TNFRSF21: variants seen among roughly 807,000 people sequenced by gnomAD.
TNFRSF21 encodes the protein tumor necrosis factor receptor superfamily member 21.
A neutral mutation model predicts 45.6 loss-of-function variants in TNFRSF21; 19 were observed. The observed-to-expected ratio is 0.42, with a 90% CI of 0.29 to 0.61. The LOEUF (loss-of-function observed/expected upper bound fraction) is 0.61. Ranked by LOEUF, TNFRSF21 falls within the 20% of genes least tolerant of loss-of-function variation. The pLI is 0.23. For missense variants in TNFRSF21, 737 were observed against 851.5 expected, an observed-to-expected ratio of 0.87 and a Z score of 1.67; for synonymous variants, 314 against 335.5, an observed-to-expected ratio of 0.94 and a Z score of 0.70.
rs535992511 is a variant in TNFRSF21, at chr6:47,281,119, C to T, written c.1243+2819G>A. 4.6e-5 allele frequency among the ~76,000 whole-genome samples: 7 copies of T among 152,016 alleles called. No individual in the cohort carries two copies. In the East Asian group the frequency reaches 7.7e-4, roughly 17 times the overall value. On this transcript the variant is annotated intron_variant, in intron 3 of 5. Transcript: ENST00000296861. ...TTATTGGGTCAACATACAATATTGG[C>T]AAATGAAAGGCAAAGGATTGTAACC...
At chr6:47,270,707 C>G (rs1048680050) in intron 3 of TNFRSF21, among the ~76,000 whole-genome samples, 1 of 152,126 alleles carries the variant, frequency 6.6e-6, no homozygotes, top group Non-Finnish European at 1.5e-5. Context: ...TCAGTAATAA[C>G]AAACTTCTCC....
chr6:47,236,740 C>T (rs1764669581), intron 4 of TNFRSF21, among the ~76,000 whole-genome samples: 1 of 152,190 alleles, frequency 6.6e-6, no homozygotes, highest in African/African-American at 2.4e-5. Context: ...CATGCCCCTC[C>T]TCCTTGAAAA....
At chr6:47,256,326 C>G (rs2113851285) in intron 3 of TNFRSF21, among the ~76,000 whole-genome samples, 1 of 152,288 alleles carries the variant, frequency 6.6e-6, no homozygotes, top group Admixed American at 6.5e-5. Context: ...GAGTTTGAGA[C>G]CAGCCTGGGC....
At chr6:47,263,246 T>C (rs1442654739) in intron 3 of TNFRSF21, among the ~76,000 whole-genome samples, 1 of 152,106 alleles carries the variant, frequency 6.6e-6, no homozygotes, top group Non-Finnish European at 1.5e-5. Context: ...GGGCAATTGA[T>C]GTGGAGGTAT....
chr6:47,264,642 G>C (rs1199343799), intron 3 of TNFRSF21, among the ~76,000 whole-genome samples: 1 of 152,194 alleles, frequency 6.6e-6, no homozygotes, highest in Non-Finnish European at 1.5e-5. Flanking sequence ...TGGCCACCTT[G>C]TGCATGAGAT....
chr6:47,307,575 T>C (rs952731632), intron 1 of TNFRSF21, among the ~76,000 whole-genome samples: 2 of 152,094 alleles, frequency 1.3e-5, no homozygotes, highest in Non-Finnish European at 2.9e-5. Context: ...GGTCTCACTA[T>C]GTTGCCCAGG....
intron 5 of TNFRSF21, 88 bp from the exon 6 acceptor site, chr6:47,233,082 A>AGG: frequency 8.4e-7 from 1 of 1,185,198 alleles, no homozygotes; most frequent in Middle Eastern, 2.6e-4. Context: ...CTAGAGAGAG[A>AGG]GACATCTATG....
Position 47,232,522 on chromosome 6 carries a change from C to G in TNFRSF21, c.*243G>C, listed in dbSNP as rs376360220. 6.0e-5 allele frequency: 28 copies of G among 467,152 alleles called. No homozygotes were observed. Among genetic ancestry groups the G allele is most frequent in the African/African-American group, 5.2e-4 (26 of 50,020 alleles). 28.9% of individuals were successfully genotyped at this position (467,152 alleles called of 1,614,324 possible). ...TGGTGGGTATTTCACAACAGTTACA[C>G]CTGGCAAAGGCTTATAAACCAACTT... On this transcript the variant is annotated 3_prime_UTR_variant, in exon 6 of 6. Transcript: ENST00000296861.
chr6:47,307,138 C>T lies in TNFRSF21; in HGVS notation c.96+2278G>A, dbSNP rs114343338. 5.2e-3 allele frequency among the ~76,000 whole-genome samples: 795 copies of T among 152,286 alleles called. 5 individuals are homozygous for T. Among genetic ancestry groups the T allele is most frequent in the Non-Finnish European group, 8.3e-3 (567 of 68,024 alleles). On this transcript the variant is annotated intron_variant, in intron 1 of 5. Coordinates refer to ENST00000296861, the MANE Select transcript of TNFRSF21 (RefSeq NM_014452.5). ...ACATAGTCTCTACTGATTCCTGGCA[C>T]ACCCTCCAGTCACCCTTCAGGATGA...
chr6:47,240,164 A>G (rs550898275), intron 4 of TNFRSF21, among the ~76,000 whole-genome samples: 92 of 152,304 alleles, frequency 6.0e-4, no homozygotes, highest in African/African-American at 2.1e-3. Flanking sequence ...ATAACTAGAT[A>G]TGCCTGATAG....
In TNFRSF21 at chr6:47,232,790, T is replaced by C; in HGVS notation, c.1943A>G (p.Tyr648Cys). The C allele has an allele frequency of 6.2e-7, 1 of 1,614,178 alleles. No individual in the cohort carries two copies. Among genetic ancestry groups the C allele is most frequent in the Non-Finnish European group, 8.5e-7 (1 of 1,180,034 alleles). Residue 648 changes from tyrosine (Y) to cysteine (C), a missense_variant, in exon 6 of 6, where the codon TAT becomes TGT. Physicochemically the swap from Tyr to Cys is radical, Grantham distance 194 (BLOSUM62 -2). Coordinates refer to ENST00000296861, the MANE Select transcript of TNFRSF21 (RefSeq NM_014452.5). ...EASQTLLDSVYSHLPDLL is the reference protein window; with the variant it reads ...EASQTLLDSVCSHLPDLL Reference sequence around the variant, plus strand: ...CTACAGCAGGTCAGGAAGATGGCTATAAACAGAGTCCAGGAGGGTCTGGCT... The same window carrying C: ...CTACAGCAGGTCAGGAAGATGGCTACAAACAGAGTCCAGGAGGGTCTGGCT...
At chr6:47,302,143 A>C (rs539189519) in intron 1 of TNFRSF21, among the ~76,000 whole-genome samples, 31 of 152,350 alleles carry the variant, frequency 2.0e-4, no homozygotes, top group Admixed American at 7.2e-4. Context: ...ACAACCTACG[A>C]AGCGATGTTT....
intron 3 of TNFRSF21, among the ~76,000 whole-genome samples, chr6:47,262,876 T>A (rs530547397): frequency 3.0e-4 from 46 of 152,278 alleles, no homozygotes; most frequent in Non-Finnish European, 4.7e-4. Context: ...GCTGCTACTA[T>A]GCATTCAATA....
Position 47,295,473 on chromosome 6 carries a change from TA to T in TNFRSF21, c.97-8879del, listed in dbSNP as rs529547020. Among the ~76,000 whole-genome samples, 243 of 152,336 alleles carry T rather than the reference TA, an allele frequency of 1.6e-3. 1 individual carries two copies. The highest frequency in any genetic ancestry group is 5.0e-3 in the African/African-American group (207 of 41,572). On this transcript the variant is annotated intron_variant, in intron 1 of 5. Transcript: ENST00000296861. Reference sequence around the variant, plus strand: ...AGAATTTTTCAATGCTGCATAAAACTAATATTTTGAAGAGGAAGCCCGTTAC... The same window carrying T: ...AGAATTTTTCAATGCTGCATAAAACTATATTTTGAAGAGGAAGCCCGTTAC...
chr6:47,271,760 C>T (rs888464383), intron 3 of TNFRSF21, among the ~76,000 whole-genome samples: 2 of 152,154 alleles, frequency 1.3e-5, no homozygotes, highest in Middle Eastern at 3.4e-3. Flanking sequence ...GTGCTGTATT[C>T]AGGAGACCCA....
chr6:47,269,240 AACACAC>A (rs149743493), intron 3 of TNFRSF21, among the ~76,000 whole-genome samples: 2 of 149,430 alleles, frequency 1.3e-5, no homozygotes, highest in South Asian at 2.1e-4. Context: ...CACACACACA[AACACAC>A]ACACACACAC....
At chr6:47,284,569 T>C (rs565467916) in intron 2 of TNFRSF21, 137 bp from the exon 3 acceptor site, 7 of 1,057,022 alleles carry the variant, frequency 6.6e-6, no homozygotes, top group South Asian at 6.7e-5. Flanking sequence ...GAATAAATTG[T>C]GTTGCACATT....
chr6:47,293,897 C>T (rs1762762234), intron 1 of TNFRSF21, among the ~76,000 whole-genome samples: 1 of 152,204 alleles, frequency 6.6e-6, no homozygotes, highest in Admixed American at 6.5e-5. Flanking sequence ...TACCACAATA[C>T]TGTATTTACC....
chr6:47,259,325 C>G (rs1765035729), intron 3 of TNFRSF21, among the ~76,000 whole-genome samples: 1 of 151,906 alleles, frequency 6.6e-6, no homozygotes, highest in African/African-American at 2.4e-5. Context: ...TAACACAACC[C>G]TCAACCCACT....
Sources: allele counts gnomAD v4.1 joint callset (sites outside exome capture counted in the v4.1 genomes callset), GRCh38; gene constraint gnomAD v4.1.1; transcripts MANE v1.5; gene names NCBI Gene and HGNC (gene_info 2026-07-23, HGNC 2026-07-21).